DNAH14: variants seen among roughly 807,000 people sequenced by gnomAD.
DNAH14 encodes the protein axonemal beta dynein heavy chain 14.
A neutral mutation model predicts 520.9 loss-of-function variants in DNAH14; 478 were observed. That is an observed-to-expected ratio of 0.92 (90% CI 0.85 to 0.99). The LOEUF (loss-of-function observed/expected upper bound fraction) is 0.99. DNAH14 is among the 50% of genes least tolerant of loss of function. DNAH14 has a pLI of 0.00. For missense variants in DNAH14, 4,831 were observed against 5,234.5 expected (o/e 0.92, Z 2.38); for synonymous variants, 1,581 against 1,757.2 (o/e 0.90, Z 2.51).
chr1:225,138,551 C>T (rs1450417918), intron 27 of DNAH14, among the ~76,000 whole-genome samples: 1 of 152,218 alleles, frequency 6.6e-6, no homozygotes, highest in Non-Finnish European at 1.5e-5. Context: ...GCATGCAAAA[C>T]TCCTGGGTCA....
chr1:225,048,029 A>G (rs995520573), intron 15 of DNAH14, among the ~76,000 whole-genome samples: 1 of 152,130 alleles, frequency 6.6e-6, no homozygotes, highest in Non-Finnish European at 1.5e-5. Flanking sequence ...AAACAGTTCC[A>G]TCATCCCCCA....
At chr1:225,188,413 A>C (rs1162264180) in intron 37 of DNAH14, among the ~76,000 whole-genome samples, 1 of 151,908 alleles carries the variant, frequency 6.6e-6, no homozygotes, top group East Asian at 1.9e-4. Context: ...TTATTACATC[A>C]TATTGTTTTA....
Position 225,272,060 on chromosome 1 carries a change from G to A in DNAH14, c.7826G>A (p.Arg2609Gln), listed in dbSNP as rs867549239. The A allele has an allele frequency of 1.1e-5, 17 of 1,549,298 alleles. No homozygotes were observed. The highest frequency in any genetic ancestry group is 8.2e-5 in the African/African-American group (6 of 72,894). Reference protein sequence around the residue: ...PTKCHYMFNLRDMFKLLLGLL... With the variant: ...PTKCHYMFNLQDMFKLLLGLL... ...AAATGTCACTACATGTTTAATCTTC[G>A]AGATATGTTTAAGGTTTGTTTTAAT... Residue 2609 changes from arginine to glutamine, a missense_variant, in exon 51 of 86, where the codon CGA (arginine) becomes CAA (glutamine). By Grantham distance (43) the Arg-to-Gln change is conservative (BLOSUM62 1). Transcript: ENST00000682510.
intron 38 of DNAH14, among the ~76,000 whole-genome samples, chr1:225,198,071 A>G (rs567845614): frequency 2.0e-5 from 3 of 152,034 alleles, no homozygotes; most frequent in African/African-American, 7.2e-5. Flanking sequence ...TTCCAGTACT[A>G]TGTTGAAGAG....
At chr1:225,012,210 A>G (rs747403486) in intron 10 of DNAH14, among the ~76,000 whole-genome samples, 10 of 152,108 alleles carry the variant, frequency 6.6e-5, no homozygotes, top group Non-Finnish European at 1.0e-4. Flanking sequence ...TCACTTGTGA[A>G]GCTTAATTTG....
At chr1:225,028,723 A>G (rs2449314) in intron 11 of DNAH14, among the ~76,000 whole-genome samples, 138,013 of 152,002 alleles carry the variant, frequency 0.91, 64,088 homozygotes, top group East Asian at 1. Context: ...TTAGACATTA[A>G]AGAAATACAA....
chr1:225,129,676 A>T (rs1278234022), intron 27 of DNAH14, among the ~76,000 whole-genome samples: 1 of 151,886 alleles, frequency 6.6e-6, no homozygotes, highest in Admixed American at 6.5e-5. Flanking sequence ...TTCAAGATGG[A>T]TTAAAGACTT....
At chr1:225,130,435 A>G (rs1265816249) in intron 27 of DNAH14, among the ~76,000 whole-genome samples, 1 of 152,134 alleles carries the variant, frequency 6.6e-6, no homozygotes, top group Non-Finnish European at 1.5e-5. Context: ...TCCAACAATG[A>G]TAGACCGAAT....
chr1:224,931,914 G>A (rs1374487981), intron 1 of DNAH14, among the ~76,000 whole-genome samples: 1 of 152,128 alleles, frequency 6.6e-6, no homozygotes, highest in African/African-American at 2.4e-5. Flanking sequence ...TGCAATAAAT[G>A]TGTGAGTGCA....
intron 27 of DNAH14, 142 bp from the exon 28 acceptor site, chr1:225,140,626 T>G (rs890978787): frequency 3.1e-6 from 2 of 653,576 alleles, no homozygotes; most frequent in Non-Finnish European, 4.8e-6. Flanking sequence ...TACACACAAA[T>G]GTGTAAGGTC....
chr1:224,990,109 G>A (rs1207439094), intron 8 of DNAH14, among the ~76,000 whole-genome samples: 1 of 151,782 alleles, frequency 6.6e-6, no homozygotes, highest in Non-Finnish European at 1.5e-5. Flanking sequence ...TGTTTTCCAG[G>A]AGAGATTGTT....
chr1:225,105,125 A>G lies in DNAH14; in HGVS notation c.3867+4241A>G, dbSNP rs200125323. ...GGTTTCAAAGAACATCTTTATTTCTACCTTCATTTCCTTATGTATCCAGTA... is the reference window on the plus strand; with the variant it reads ...GGTTTCAAAGAACATCTTTATTTCTGCCTTCATTTCCTTATGTATCCAGTA... On this transcript the variant is annotated intron_variant, in intron 23 of 85. Coordinates refer to ENST00000682510, the MANE Select transcript of DNAH14 (RefSeq NM_001367479.1). 1.8e-4 allele frequency among the ~76,000 whole-genome samples: 28 copies of G among 151,944 alleles called. No individual in the cohort carries two copies. The East Asian group carries it at 2.6e-3, about 14-fold the overall frequency.
rs556343465 is a variant in DNAH14 at position 225,009,855 on chromosome 1, C to T, written c.1107+2311C>T. On this transcript the variant is annotated intron_variant, in intron 10 of 85. Coordinates refer to ENST00000682510, the MANE Select transcript of DNAH14 (RefSeq NM_001367479.1). Reference sequence around the variant, plus strand: ...AAGTTGTATTTTATTCTCTTTGTAGCAATTTTGAATGGGAGTTTGCTCATG... The same window carrying T: ...AAGTTGTATTTTATTCTCTTTGTAGTAATTTTGAATGGGAGTTTGCTCATG... Among the ~76,000 whole-genome samples the T allele has an allele frequency of 4.6e-5, 7 of 152,186 alleles. No homozygotes were observed. The South Asian group carries it at 1.5e-3, about 32-fold the overall frequency.
intron 13 of DNAH14, among the ~76,000 whole-genome samples, chr1:225,043,526 C>T (rs1041628614): frequency 5.9e-5 from 9 of 152,112 alleles, no homozygotes; most frequent in South Asian, 2.1e-4. Flanking sequence ...CCGAGGGCCC[C>T]GTTCATCAAG....
At chr1:225,105,041 C>T (rs989553818) in intron 23 of DNAH14, among the ~76,000 whole-genome samples, 1 of 152,138 alleles carries the variant, frequency 6.6e-6, no homozygotes, top group African/African-American at 2.4e-5. Context: ...AAATTTCCCT[C>T]GACACACTGC....
chr1:224,953,336 G>T (rs2060298879), intron 2 of DNAH14, among the ~76,000 whole-genome samples: 1 of 151,992 alleles, frequency 6.6e-6, no homozygotes, highest in East Asian at 1.9e-4. Context: ...ATTTTGGCCA[G>T]GCTGGTCTTG....
At chr1:225,187,585 T>A (rs1341295016) in intron 37 of DNAH14, among the ~76,000 whole-genome samples, 1 of 151,908 alleles carries the variant, frequency 6.6e-6, no homozygotes, top group African/African-American at 2.4e-5. Context: ...TTACAGTAAC[T>A]ACATTATTTT....
chr1:225,106,247 A>T (rs1004298984), intron 23 of DNAH14, among the ~76,000 whole-genome samples: 2 of 151,616 alleles, frequency 1.3e-5, no homozygotes, highest in Admixed American at 6.6e-5. Context: ...CTGCCGAGAG[A>T]CCAGCTGTTA....
chr1:225,011,097 C>G (rs1249457431), intron 10 of DNAH14, among the ~76,000 whole-genome samples: 1 of 150,812 alleles, frequency 6.6e-6, no homozygotes, highest in Non-Finnish European at 1.5e-5. Context: ...TCTCTATTTC[C>G]TTCAGTTTTG....
Sources: allele counts gnomAD v4.1 joint callset (sites outside exome capture counted in the v4.1 genomes callset), GRCh38; gene constraint gnomAD v4.1.1; transcripts MANE v1.5; gene names NCBI Gene and HGNC (gene_info 2026-07-23, HGNC 2026-07-21).